DDX6: variants seen among roughly 807,000 people sequenced by gnomAD.
DDX6 encodes the protein probable ATP-dependent RNA helicase DDX6.
A neutral mutation model predicts 60.6 loss-of-function variants in DDX6; 7 were observed. The observed-to-expected ratio is 0.12, with a 90% CI of 0.07 to 0.22. DDX6 has a LOEUF of 0.22. DDX6 is among the 10% of genes least tolerant of loss of function. The pLI is 1.00. For missense variants in DDX6, 270 were observed against 589.9 expected (o/e 0.46, Z 5.62); for synonymous variants, 207 against 201.0 (o/e 1.03, Z -0.25).
chr11:118,786,255 G>A lies in DDX6; in HGVS notation c.-4C>T. 1 of 1,589,354 alleles carries A rather than the reference G, an allele frequency of 6.3e-7. No homozygotes were observed. Among genetic ancestry groups the A allele is most frequent in the South Asian group, 1.1e-5 (1 of 87,590 alleles). On this transcript the variant is annotated 5_prime_UTR_variant, in exon 2 of 14. Transcript: ENST00000534980. ...TCTCTGTTCTGGCCGTGCTCATGCT[G>A]TTTTAATTGCAAAGGTCTTTCAAAC...
Position 118,755,384 on chromosome 11 carries a change from C to T in DDX6, c.1276+18G>A. 1 of 1,503,290 alleles carries T rather than the reference C, an allele frequency of 6.7e-7. No individual in the cohort carries two copies. The highest frequency in any genetic ancestry group is 9.2e-7 in the Non-Finnish European group (1 of 1,082,878). The allele number at this position is 1,503,290 out of a possible 1,614,324, so 93.1% of individuals were successfully genotyped here. A position where few individuals can be genotyped will look rare whatever the true frequency, so the allele number is the denominator to read the frequency against. On this transcript the variant is annotated intron_variant, in intron 12 of 13. Coordinates refer to ENST00000534980, the MANE Select transcript of DDX6 (RefSeq NM_004397.6). ...AAAAAAGAACTTCTACCAAGAATAT[C>T]ACCTCTTTTTTCCTCACCTGATCTT...
At chr11:118,756,356 C>T in intron 10 of DDX6, 33 bp from the exon 11 acceptor site, 5 of 1,519,102 alleles carry the variant, frequency 3.3e-6, no homozygotes, top group Non-Finnish European at 4.6e-6. Context: ...ATTTGATTAA[C>T]ACTCATATAC....
At chr11:118,781,946 C>T (rs1314908324) in intron 2 of DDX6, among the ~76,000 whole-genome samples, 1 of 151,540 alleles carries the variant, frequency 6.6e-6, no homozygotes, top group African/African-American at 2.4e-5. Flanking sequence ...ATAAGGTGGG[C>T]GCACACCTGT....
intron 4 of DDX6, 113 bp downstream of exon 4, chr11:118,779,519 T>C (rs921452510): frequency 1.6e-6 from 1 of 623,716 alleles, no homozygotes; most frequent in Non-Finnish European, 2.7e-6. Context: ...AGAAAAAGTG[T>C]GTATACGTGA....
At chr11:118,770,298 G>T (rs1254302968) in intron 4 of DDX6, among the ~76,000 whole-genome samples, 1 of 152,124 alleles carries the variant, frequency 6.6e-6, no homozygotes, top group Non-Finnish European at 1.5e-5. Flanking sequence ...AAAGTGTTGG[G>T]ATTACAGGCA....
Position 118,751,038 on chromosome 11 carries a change from C to T in DDX6, c.*1067G>A, listed in dbSNP as rs758807145. On this transcript the variant is annotated 3_prime_UTR_variant, in exon 14 of 14. Transcript: ENST00000534980. ...ACTCTAATCCCCTTAATCCCAGCAA[C>T]CTTCATCCAAAAAAAAATATATATA... 5 of 147,352 alleles carry T rather than the reference C, an allele frequency of 3.4e-5. No homozygotes were observed. The highest frequency in any genetic ancestry group is 6.0e-5 in the Non-Finnish European group (4 of 67,152). The allele number at this position is 147,352 out of a possible 1,614,324, so 9.1% of individuals were successfully genotyped here.
At chr11:118,755,353 C>T (rs781841867) in intron 12 of DDX6, 49 bp downstream of exon 12, 18 of 1,135,382 alleles carry the variant, frequency 1.6e-5, no homozygotes, top group South Asian at 1.0e-4. Flanking sequence ...AGTCATTACA[C>T]GCCTCAAAAA....
At chr11:118,789,987 C>A (rs1292262436) in intron 1 of DDX6, 1 of 152,136 alleles carries the variant, frequency 6.6e-6, no homozygotes, top group African/African-American at 2.4e-5. Flanking sequence ...GAGCCCCTAG[C>A]GGAGTTAATT....
intron 12 of DDX6, 56 bp from the exon 13 acceptor site, chr11:118,754,943 T>C (rs1860914566): frequency 1.0e-5 from 15 of 1,478,434 alleles, no homozygotes; most frequent in East Asian, 2.5e-5. Context: ...TCAATGTGAA[T>C]TGTGCAAGTC....
In DDX6 at chr11:118,747,792, T is replaced by G. The variant is rs1240578484; in HGVS notation, c.*4313A>C. On this transcript the variant is annotated 3_prime_UTR_variant, in exon 14 of 14. Transcript: ENST00000534980. ...GAGTTCCAGTGGGCTTTTATTGAGATAAATTAACAAAAACCAAGATTTTAC... is the reference window on the plus strand; with the variant it reads ...GAGTTCCAGTGGGCTTTTATTGAGAGAAATTAACAAAAACCAAGATTTTAC... The G allele has an allele frequency of 6.6e-6, 1 of 151,494 alleles. No homozygotes were observed. Among genetic ancestry groups the G allele is most frequent in the Non-Finnish European group, 1.5e-5 (1 of 67,990 alleles). The allele number at this position is 151,494 out of a possible 1,614,324, so 9.4% of individuals were successfully genotyped here.
intron 6 of DDX6, 24 bp downstream of exon 6, chr11:118,765,185 T>C: frequency 1.2e-6 from 2 of 1,610,400 alleles, no homozygotes; most frequent in Non-Finnish European, 1.7e-6. Context: ...AGAGCTACAC[T>C]ACCTTTTAGT....
At chr11:118,766,408 T>C (rs1002815290) in intron 5 of DDX6, among the ~76,000 whole-genome samples, 1 of 152,112 alleles carries the variant, frequency 6.6e-6, no homozygotes, top group Non-Finnish European at 1.5e-5. Flanking sequence ...CACTCCAGAA[T>C]GGGTGACACA....
At position 118,786,248 on chromosome 11, in the gene DDX6, T is replaced by G; in HGVS notation, c.4A>C (p.Ser2Arg). 1 of 1,596,774 alleles carries G rather than the reference T, an allele frequency of 6.3e-7. No individual in the cohort carries two copies. The highest frequency in any genetic ancestry group is 8.5e-7 in the Non-Finnish European group (1 of 1,171,608). M[S>R]TARTENPVIM... ...ACAGGGTTCTCTGTTCTGGCCGTGC[T>G]CATGCTGTTTTAATTGCAAAGGTCT... is the stretch of plus-strand genomic sequence containing the variant. The change falls in exon 2 of 14, where the codon AGC becomes CGC. Residue 2 changes from serine (S) to arginine (R), a missense_variant. By Grantham distance (110) the Ser-to-Arg change is moderately radical. Coordinates refer to ENST00000534980, the MANE Select transcript of DDX6 (RefSeq NM_004397.6).
intron 4 of DDX6, among the ~76,000 whole-genome samples, chr11:118,770,192 A>T (rs552333426): frequency 2.0e-4 from 29 of 148,694 alleles, no homozygotes; most frequent in South Asian, 1.7e-3. Context: ...CACCCAGCTA[A>T]TTCTTGTATT....
At chr11:118,782,465 T>C (rs1054969220) in intron 2 of DDX6, among the ~76,000 whole-genome samples, 1 of 151,456 alleles carries the variant, frequency 6.6e-6, no homozygotes, top group Non-Finnish European at 1.5e-5. Flanking sequence ...AACTGTGACA[T>C]CTTCGAAAAA....
chr11:118,779,104 C>T (rs1861799012), intron 4 of DDX6, among the ~76,000 whole-genome samples: 1 of 137,570 alleles, frequency 7.3e-6, no homozygotes. Flanking sequence ...TGCAGTGAGC[C>T]GAGATCAGGC....
chr11:118,780,011 G>C (rs1344824449), intron 3 of DDX6, among the ~76,000 whole-genome samples: 1 of 149,980 alleles, frequency 6.7e-6, no homozygotes, highest in African/African-American at 2.4e-5. Context: ...AGCTACTTGG[G>C]AGGCTGAGGC....
At chr11:118,784,983 G>C (rs1357109731) in intron 2 of DDX6, among the ~76,000 whole-genome samples, 1 of 152,170 alleles carries the variant, frequency 6.6e-6, no homozygotes, top group African/African-American at 2.4e-5. Flanking sequence ...TGTCAGGCTG[G>C]TCTCGAACTC....
intron 4 of DDX6, among the ~76,000 whole-genome samples, chr11:118,773,767 C>T (rs1451315035): frequency 5.9e-5 from 9 of 151,508 alleles, no homozygotes; most frequent in Non-Finnish European, 1.0e-4. Context: ...GGCAGGAGAA[C>T]TGCTTGAGGC....
Sources: gnomAD v4.1 joint callset for allele counts (sites outside exome capture counted in the v4.1 genomes callset) on GRCh38, gnomAD v4.1.1 for gene constraint, MANE v1.5 for transcripts, NCBI Gene and HGNC (gene_info 2026-07-23, HGNC 2026-07-21) for gene names.